MRPL13: variants seen among roughly 807,000 people sequenced by gnomAD.
MRPL13 encodes mitochondrial ribosomal protein L13.
A neutral mutation model predicts 29.0 loss-of-function variants in MRPL13; 33 were observed. The ratio of observed to expected loss-of-function variants is 1.14; its 90% CI spans 0.86 to 1.52. The LOEUF is 1.52. Among genes scored for constraint, MRPL13 ranks in the 40% most tolerant of loss-of-function variants. MRPL13 has a pLI of 0.00. For synonymous variants in MRPL13, 77 were observed against 68.4 expected (o/e 1.13, Z -0.62); for missense variants, 227 against 216.7 (o/e 1.05, Z -0.30).
At chr8:120,415,572 G>T (rs980436452) in intron 5 of MRPL13, 14 of 152,058 alleles carry the variant, frequency 9.2e-5, no homozygotes, top group African/African-American at 3.1e-4. Flanking sequence ...AATATTTTAG[G>T]CAATTTAAAT....
chr8:120,397,206 C>T (rs1812534815), intron 6 of MRPL13, among the ~76,000 whole-genome samples: 1 of 120,420 alleles, frequency 8.3e-6, no homozygotes, highest in African/African-American at 2.6e-5. Flanking sequence ...GGCCTTGGGT[C>T]CAATACACAG....
intron 2 of MRPL13, among the ~76,000 whole-genome samples, chr8:120,432,818 G>T (rs1398349855): frequency 6.6e-6 from 1 of 151,892 alleles, no homozygotes; most frequent in Non-Finnish European, 1.5e-5. Flanking sequence ...AAACTAAAAA[G>T]TTAACATGTA....
At chr8:120,427,259 C>T (rs1320080139) in intron 3 of MRPL13, among the ~76,000 whole-genome samples, 8 of 151,956 alleles carry the variant, frequency 5.3e-5, no homozygotes, top group Non-Finnish European at 8.8e-5. Context: ...AGACAACAGC[C>T]TTATTTTTAA....
chr8:120,401,403 A>G (rs953215322), intron 6 of MRPL13, among the ~76,000 whole-genome samples: 1 of 152,220 alleles, frequency 6.6e-6, no homozygotes, highest in African/African-American at 2.4e-5. Flanking sequence ...AGACATAACC[A>G]TATGATCAGC....
At chr8:120,438,349 T>C (rs1813078645) in intron 2 of MRPL13, among the ~76,000 whole-genome samples, 1 of 152,130 alleles carries the variant, frequency 6.6e-6, no homozygotes, top group Non-Finnish European at 1.5e-5. Flanking sequence ...TCAAAACACA[T>C]AGTGAAACAA....
chr8:120,407,384 G>C (rs1378709914), intron 6 of MRPL13, among the ~76,000 whole-genome samples: 4 of 151,964 alleles, frequency 2.6e-5, no homozygotes, highest in Admixed American at 2.6e-4. Context: ...TAACATTATT[G>C]GTCCTACTTC....
chr8:120,431,927 G>T, intron 3 of MRPL13, 103 bp downstream of exon 3: 2 of 817,428 alleles, frequency 2.4e-6, no homozygotes, highest in Non-Finnish European at 3.5e-6. Context: ...AGTAATAAAT[G>T]CTGATTTTTA....
chr8:120,436,600 GT>G (rs1249941687), intron 2 of MRPL13, among the ~76,000 whole-genome samples: 3 of 152,164 alleles, frequency 2.0e-5, no homozygotes, highest in African/African-American at 7.2e-5. Context: ...TCTGTAGCTT[GT>G]TTTCTTCCCC....
rs145285337 is a variant in MRPL13, at chr8:120,420,937, G to C, written c.307-999C>G. Among the ~76,000 whole-genome samples, 577 of 151,932 alleles carry C rather than the reference G, an allele frequency of 3.8e-3. 3 individuals carry two copies. Among genetic ancestry groups the C allele is most frequent in the Middle Eastern group, 0.01 (3 of 294 alleles). ...TCCACACTCAAATTTAAAAAGGCTAGAAAATGTGAAAAGATTATAAGCTAA... is the reference window on the plus strand; with the variant it reads ...TCCACACTCAAATTTAAAAAGGCTACAAAATGTGAAAAGATTATAAGCTAA... On this transcript the variant is annotated intron_variant, in intron 4 of 6. Coordinates refer to ENST00000306185, the MANE Select transcript of MRPL13 (RefSeq NM_014078.6).
chr8:120,417,208 G>A (rs1436320731), intron 5 of MRPL13, among the ~76,000 whole-genome samples: 1 of 152,186 alleles, frequency 6.6e-6, no homozygotes, highest in Non-Finnish European at 1.5e-5. Context: ...ATAGCAGGAG[G>A]CACCTGATGT....
intron 2 of MRPL13, among the ~76,000 whole-genome samples, chr8:120,436,218 T>C (rs1027185446): frequency 2.0e-5 from 3 of 152,164 alleles, no homozygotes; most frequent in East Asian, 3.8e-4. Flanking sequence ...TGCTGTGCTA[T>C]ACAGTAAGCT....
At chr8:120,410,040 A>AG (rs1181123486) in intron 6 of MRPL13, among the ~76,000 whole-genome samples, 2 of 152,218 alleles carry the variant, frequency 1.3e-5, no homozygotes, top group African/African-American at 4.8e-5. Flanking sequence ...CTGGGTTCAA[A>AG]GCTCTTTGAT....
At chr8:120,400,733 T>C (rs1812583972) in intron 6 of MRPL13, among the ~76,000 whole-genome samples, 1 of 136,782 alleles carries the variant, frequency 7.3e-6, no homozygotes, top group South Asian at 2.2e-4. Context: ...AATAAATAAA[T>C]AAATAAATAA....
At chr8:120,431,316 G>A (rs1474395493) in intron 3 of MRPL13, among the ~76,000 whole-genome samples, 1 of 152,128 alleles carries the variant, frequency 6.6e-6, no homozygotes, top group African/African-American at 2.4e-5. Flanking sequence ...CTGAAGCTAT[G>A]GGTTAACTAA....
At chr8:120,403,464 G>A (rs1362760048) in intron 6 of MRPL13, among the ~76,000 whole-genome samples, 2 of 152,008 alleles carry the variant, frequency 1.3e-5, no homozygotes, top group African/African-American at 4.8e-5. Flanking sequence ...GGGGTTGGGG[G>A]GAACAACGCA....
At chr8:120,396,277 T>C (rs1014118764) in intron 6 of MRPL13, 152 bp from the exon 7 acceptor site, 21 of 624,280 alleles carry the variant, frequency 3.4e-5, no homozygotes, top group Admixed American at 6.8e-5. Flanking sequence ...AAAAAAAACA[T>C]TAACATCAAA....
chr8:120,425,335 C>G lies in MRPL13; in HGVS notation c.277G>C (p.Ala93Pro). 6.2e-7 allele frequency: 1 copy of G among 1,612,780 alleles called. No individual in the cohort carries two copies. Among genetic ancestry groups the G allele is most frequent in the Non-Finnish European group, 8.5e-7 (1 of 1,179,210 alleles). Residue 93 changes from alanine (A) to proline (P), a missense_variant, in exon 4 of 7, where the codon GCT (alanine) becomes CCT (proline). Transcript: ENST00000306185. ...ACTGGATCCCTCAGGTGAAGCTGAG[C>G]AGCTGTTACTTGTCTAAATCCACCT... The part of the protein sequence containing the change: ...YPGGFRQVTA[A>P]QLHLRDPVAI...
At chr8:120,408,237 T>C (rs1464016513) in intron 6 of MRPL13, among the ~76,000 whole-genome samples, 1 of 152,216 alleles carries the variant, frequency 6.6e-6, no homozygotes, top group Non-Finnish European at 1.5e-5. Flanking sequence ...AAACTAAACC[T>C]GTAAGATTGT....
chr8:120,434,448 C>T (rs1813030583), intron 2 of MRPL13, among the ~76,000 whole-genome samples: 1 of 152,040 alleles, frequency 6.6e-6, no homozygotes, highest in South Asian at 2.1e-4. Flanking sequence ...GTCAGAGGTT[C>T]AACTCAGCTA....
Sources: gnomAD v4.1 joint callset for allele counts (sites outside exome capture counted in the v4.1 genomes callset) on GRCh38, gnomAD v4.1.1 for gene constraint, MANE v1.5 for transcripts, NCBI Gene and HGNC (gene_info 2026-07-23, HGNC 2026-07-21) for gene names.